Variants in CCDC122 observed in about 807,000 individuals in gnomAD.
The protein encoded by CCDC122 is coiled-coil domain-containing protein 122.
Under a neutral mutation model 37.0 loss-of-function variants are expected in CCDC122, and 38 were observed. The observed-to-expected ratio is 1.03, with a 90% confidence interval of 0.79 to 1.35. CCDC122 has a LOEUF of 1.35. Ranked by LOEUF, CCDC122 falls within the 40% of genes most tolerant of loss-of-function variation. CCDC122 has a pLI of 0.00. For synonymous variants in CCDC122, 83 were observed against 95.6 expected (o/e 0.87, Z 0.77); for missense variants, 305 against 310.0 (o/e 0.98, Z 0.12).
intron 4 of CCDC122, among the ~76,000 whole-genome samples, chr13:43,862,464 C>T (rs777507766): frequency 6.6e-6 from 1 of 152,142 alleles, no homozygotes; most frequent in Non-Finnish European, 1.5e-5. Context: ...TTCCACTCCT[C>T]CTCTAGTTAC....
chr13:43,848,446 A>G (rs1053745519), intron 6 of CCDC122, among the ~76,000 whole-genome samples: 3 of 152,072 alleles, frequency 2.0e-5, no homozygotes, highest in Non-Finnish European at 4.4e-5. Context: ...TGAACTAGAA[A>G]CCACTGATTG....
At chr13:43,837,875 A>G (rs1261334721) in intron 6 of CCDC122, among the ~76,000 whole-genome samples, 1 of 152,170 alleles carries the variant, frequency 6.6e-6, no homozygotes, top group Non-Finnish European at 1.5e-5. Flanking sequence ...TATGTAAGGA[A>G]CTACAATCTA....
At chr13:43,874,202 T>A (rs1954536159) in intron 2 of CCDC122, among the ~76,000 whole-genome samples, 3 of 152,184 alleles carry the variant, frequency 2.0e-5, no homozygotes, top group Non-Finnish European at 4.4e-5. Flanking sequence ...ATTAGCTTAT[T>A]AGGAAAATTA....
downstream of CCDC122, chr13:43,836,288 G>T (rs1382122291): frequency 6.6e-6 from 1 of 152,118 alleles, no homozygotes; most frequent in Non-Finnish European, 1.5e-5. Flanking sequence ...TTAGTCTATA[G>T]TGAGTAATAC....
At chr13:43,877,973 GA>G (rs1267511494) in intron 1 of CCDC122, 2 of 152,094 alleles carry the variant, frequency 1.3e-5, no homozygotes, top group African/African-American at 4.8e-5. Flanking sequence ...AGGATAGAGT[GA>G]AAATGGGATG....
intron 1 of CCDC122, among the ~76,000 whole-genome samples, chr13:43,879,112 G>A (rs1332020172): frequency 6.6e-6 from 1 of 152,082 alleles, no homozygotes; most frequent in African/African-American, 2.4e-5. Context: ...ACTTCAGCTC[G>A]CTTGGGAAAC....
At chr13:43,841,876 A>AT (rs1953366366) in intron 6 of CCDC122, among the ~76,000 whole-genome samples, 1 of 151,916 alleles carries the variant, frequency 6.6e-6, no homozygotes, top group African/African-American at 2.4e-5. Context: ...ACACTGACTA[A>AT]TTTTTTTATT....
intron 2 of CCDC122, among the ~76,000 whole-genome samples, chr13:43,871,911 G>A (rs1954464333): frequency 6.6e-6 from 1 of 151,984 alleles, no homozygotes; most frequent in Non-Finnish European, 1.5e-5. Context: ...TACAGGTCTT[G>A]GAAGGCTCAT....
At chr13:43,870,653 T>C (rs1954416537) in intron 2 of CCDC122, among the ~76,000 whole-genome samples, 1 of 152,138 alleles carries the variant, frequency 6.6e-6, no homozygotes, top group Non-Finnish European at 1.5e-5. Context: ...CTAAGAACTT[T>C]ACAAATAGTA....
In CCDC122 at chr13:43,837,107, C is replaced by T. The variant is rs1953189368; in HGVS notation, c.*173G>A. The T allele has an allele frequency of 3.3e-6, 2 of 604,396 alleles. No homozygotes were observed. The highest frequency in any genetic ancestry group is 5.7e-6 in the Non-Finnish European group (2 of 348,540). 37.4% of individuals were successfully genotyped at this position (604,396 alleles called of 1,614,324 possible). On this transcript the variant is annotated 3_prime_UTR_variant, in exon 7 of 7. Transcript: ENST00000444614. ...TGCTATCAAGTGTAGGGTTAGAAGG[C>T]ATTTTAACAAATCGATGACTGATTT...
chr13:43,868,718 G>A lies in CCDC122; in HGVS notation c.132C>T (p.Asn44=). The change falls in exon 4 of 7, where the codon AAC becomes AAT. Residue 44 remains asparagine, a synonymous_variant. Coordinates refer to ENST00000444614, the MANE Select transcript of CCDC122 (RefSeq NM_144974.5). ...CCTTCAAATTGAACAGAACCTTTTT[G>A]TTTTTTTCTATCTCTGATGCTTGTG... ...QQSQASEIEK[N]KKVLFNLKNE... is the part of the protein sequence containing the mutation. 6.4e-7 allele frequency: 1 copy of A among 1,552,980 alleles called. No homozygotes were observed. The highest frequency in any genetic ancestry group is 8.7e-7 in the Non-Finnish European group (1 of 1,149,374).
chr13:43,840,134 T>C (rs932283541), intron 6 of CCDC122, among the ~76,000 whole-genome samples: 1 of 152,214 alleles, frequency 6.6e-6, no homozygotes. Flanking sequence ...CCATCTTGTC[T>C]ACCTATTGAG....
At chr13:43,861,926 AC>A (rs1954118323) in intron 4 of CCDC122, among the ~76,000 whole-genome samples, 1 of 151,840 alleles carries the variant, frequency 6.6e-6, no homozygotes, top group Non-Finnish European at 1.5e-5. Context: ...CCTTTCCCTT[AC>A]CCCCACAACC....
downstream of CCDC122, among the ~76,000 whole-genome samples, chr13:43,821,480 T>G (rs956812393): frequency 6.6e-6 from 1 of 152,220 alleles, no homozygotes; most frequent in Non-Finnish European, 1.5e-5. Context: ...TGGCTCAGCC[T>G]TCCAAAGTGC....
chr13:43,820,009 T>C (rs1952982789), downstream of CCDC122, among the ~76,000 whole-genome samples: 1 of 152,018 alleles, frequency 6.6e-6, no homozygotes, highest in Admixed American at 6.5e-5. Context: ...TTTGAAACAA[T>C]AAATATTTGT....
At chr13:43,827,708 T>G (rs1407658364) in intron 3 of CCDC122, among the ~76,000 whole-genome samples, 2 of 152,188 alleles carry the variant, frequency 1.3e-5, no homozygotes, top group Non-Finnish European at 2.9e-5. Flanking sequence ...CAGGGCTGAC[T>G]GTGGGCTTGA....
downstream of CCDC122, among the ~76,000 whole-genome samples, chr13:43,835,750 A>G (rs909990710): frequency 3.3e-5 from 5 of 152,236 alleles, no homozygotes; most frequent in Non-Finnish European, 7.3e-5. Context: ...AGCGATAACT[A>G]CACTTAGAAA....
Position 43,868,798 on chromosome 13 carries a change from G to A in CCDC122, c.52C>T (p.Gln18Ter). 6.8e-7 allele frequency: 1 copy of A among 1,468,652 alleles called. No individual in the cohort carries two copies. Among genetic ancestry groups the A allele is most frequent in the Non-Finnish European group, 9.1e-7 (1 of 1,102,404 alleles). 91.0% of individuals were successfully genotyped at this position (1,468,652 alleles called of 1,614,324 possible). ...KSQGFPKEDNQDTSSLADAVE... is the reference protein window; with the variant it reads ...KSQGFPKEDN ...GCATCAGCTAATGAACTTGTGTCTT[G>A]GTTATCTACAATTAGACAAAAGAAT... Residue 18 changes from glutamine to a stop codon, truncating the protein, a stop_gained, in exon 4 of 7, where the codon CAA becomes TAA. Coordinates refer to ENST00000444614, the MANE Select transcript of CCDC122 (RefSeq NM_144974.5). LOFTEE classifies it high-confidence loss of function.
chr13:43,840,323 A>G (rs754381283), intron 6 of CCDC122, among the ~76,000 whole-genome samples: 5 of 152,194 alleles, frequency 3.3e-5, no homozygotes, highest in African/African-American at 4.8e-5. Context: ...CAAGTTATCT[A>G]TTCACAGGTA....
Sources: gnomAD v4.1 joint callset for allele counts (sites outside exome capture counted in the v4.1 genomes callset) on GRCh38, gnomAD v4.1.1 for gene constraint, MANE v1.5 for transcripts, NCBI Gene and HGNC (gene_info 2026-07-23, HGNC 2026-07-21) for gene names.